FTCDNL1: variants seen among roughly 807,000 people sequenced by gnomAD.
FTCDNL1 encodes the protein formiminotransferase N-terminal subdomain-containing protein.
In FTCDNL1, 11 loss-of-function variants were observed where a neutral mutation model predicts 5.9. The ratio of observed to expected loss-of-function variants is 1.87; its 90% CI spans 1.18 to 3.10. The LOEUF (loss-of-function observed/expected upper bound fraction) is 3.10. Among genes scored for constraint, FTCDNL1 ranks in the 30% most tolerant of loss-of-function variants. The pLI, the probability that FTCDNL1 is intolerant of heterozygous loss-of-function variation, is 0.00. For synonymous variants in FTCDNL1, 58 were observed against 24.8 expected, an observed-to-expected ratio of 2.34 and a Z score of -3.99; for missense variants, 115 against 65.5, an observed-to-expected ratio of 1.76 and a Z score of -2.61.
intron 3 of FTCDNL1, among the ~76,000 whole-genome samples, chr2:199,798,608 C>G (rs1004934198): frequency 6.6e-6 from 1 of 152,184 alleles, no homozygotes; most frequent in African/African-American, 2.4e-5. Flanking sequence ...TCATCCATCC[C>G]TTCCTCTTCA....
the FTCDNL1 span, among the ~76,000 whole-genome samples, chr2:199,724,158 T>G: frequency 6.6e-6 from 1 of 152,236 alleles, no homozygotes; most frequent in Non-Finnish European, 1.5e-5. Flanking sequence ...TTAGATTTTC[T>G]AATGCATTTG....
chr2:199,765,977 T>C (rs1003129711), intron 3 of FTCDNL1, among the ~76,000 whole-genome samples: 10 of 152,154 alleles, frequency 6.6e-5, no homozygotes, highest in East Asian at 1.9e-4. Flanking sequence ...TCCACACACA[T>C]AGGCACACCT....
downstream of FTCDNL1, among the ~76,000 whole-genome samples, chr2:199,807,364 A>G (rs993470215): frequency 2.0e-5 from 3 of 152,234 alleles, no homozygotes; most frequent in Non-Finnish European, 4.4e-5. Context: ...TTGGCCAGGC[A>G]TGGTGGCTTA....
intron 3 of FTCDNL1, among the ~76,000 whole-genome samples, chr2:199,795,634 A>G (rs1010603385): frequency 6.6e-6 from 1 of 151,408 alleles, no homozygotes; most frequent in African/African-American, 2.5e-5. Flanking sequence ...AATATTTATT[A>G]AATAAGTAAT....
At chr2:199,815,127 T>C (rs1183134485) in intron 4 of FTCDNL1, among the ~76,000 whole-genome samples, 1 of 152,234 alleles carries the variant, frequency 6.6e-6, no homozygotes, top group Non-Finnish European at 1.5e-5. Flanking sequence ...TTTAAATATA[T>C]ATGTATAAAG....
At chr2:199,799,539 A>C (rs1700339771) in intron 3 of FTCDNL1, among the ~76,000 whole-genome samples, 2 of 152,216 alleles carry the variant, frequency 1.3e-5, no homozygotes, top group Non-Finnish European at 2.9e-5. Context: ...TCATCCAGAA[A>C]ACCTCATCCG....
At chr2:199,723,911 G>T in the FTCDNL1 span, among the ~76,000 whole-genome samples, 3 of 152,110 alleles carry the variant, frequency 2.0e-5, no homozygotes, top group South Asian at 4.1e-4. Context: ...AATGAGTTAG[G>T]GAGGAGTCCC....
intron 3 of FTCDNL1, among the ~76,000 whole-genome samples, chr2:199,800,782 T>C (rs1369149839): frequency 6.6e-6 from 1 of 152,208 alleles, no homozygotes; most frequent in East Asian, 1.9e-4. Context: ...CCATGGGACA[T>C]ACTTGTTCTT....
the FTCDNL1 span, among the ~76,000 whole-genome samples, chr2:199,665,581 C>T: frequency 1.3e-5 from 2 of 149,782 alleles, no homozygotes; most frequent in African/African-American, 2.5e-5. Context: ...TGCAATGAGC[C>T]GAGATCGTGC....
chr2:199,819,446 C>T (rs760079320), intron 4 of FTCDNL1, 126 bp downstream of exon 4: 2 of 621,382 alleles, frequency 3.2e-6, no homozygotes, highest in Non-Finnish European at 2.9e-6. Context: ...AAAGGAGAGC[C>T]TCACCCATTT....
chr2:199,772,922 T>C (rs1250546001), intron 3 of FTCDNL1, among the ~76,000 whole-genome samples: 1 of 152,224 alleles, frequency 6.6e-6, no homozygotes, highest in Non-Finnish European at 1.5e-5. Flanking sequence ...CTGGGTAAGA[T>C]ACTACTCTGG....
At chr2:199,848,702 CG>C (rs200793903) in intron 2 of FTCDNL1, 145 bp downstream of exon 2, 5 of 556,314 alleles carry the variant, frequency 9.0e-6, no homozygotes, top group Non-Finnish European at 1.6e-5. Context: ...CCTGGAGTTG[CG>C]CAGAGCTGCA....
the FTCDNL1 span, among the ~76,000 whole-genome samples, chr2:199,729,835 G>A: frequency 6.1e-4 from 93 of 152,254 alleles, 1 homozygote; most frequent in African/African-American, 2.2e-3. Flanking sequence ...TTTCTTCACA[G>A]AATTGGAAAA....
intron 3 of FTCDNL1, among the ~76,000 whole-genome samples, chr2:199,780,543 T>A (rs1324857116): frequency 6.6e-6 from 1 of 152,172 alleles, no homozygotes; most frequent in Non-Finnish European, 1.5e-5. Context: ...TTGCCATGCT[T>A]CTCTTCCTGC....
At chr2:199,767,997 T>C (rs1698615449) in intron 3 of FTCDNL1, among the ~76,000 whole-genome samples, 3 of 152,246 alleles carry the variant, frequency 2.0e-5, no homozygotes, top group Non-Finnish European at 2.9e-5. Context: ...ACTGACATTA[T>C]TGAGTTCTGT....
chr2:199,834,584 G>A (rs1048984368), intron 3 of FTCDNL1, among the ~76,000 whole-genome samples: 5 of 152,150 alleles, frequency 3.3e-5, no homozygotes, highest in Non-Finnish European at 7.3e-5. Flanking sequence ...GTGACTGGCT[G>A]GGTTAGTCTA....
At chr2:199,801,870 G>A (rs1393044216) in intron 3 of FTCDNL1, among the ~76,000 whole-genome samples, 1 of 151,520 alleles carries the variant, frequency 6.6e-6, no homozygotes, top group African/African-American at 2.4e-5. Flanking sequence ...CCCAGAAGGC[G>A]GAGCTTGCAG....
At chr2:199,667,725 G>T in the FTCDNL1 span, among the ~76,000 whole-genome samples, 1 of 152,182 alleles carries the variant, frequency 6.6e-6, no homozygotes, top group Non-Finnish European at 1.5e-5. Flanking sequence ...CACTTTATTA[G>T]TGGCTTGGTA....
rs1182495964 is a variant in FTCDNL1, at chr2:199,850,907, G to C, written c.-175C>G. ...GACCACGTGGGCTGAAAGGGAACCCGAAGTGACTCCCGGCCTCCCCACAGG... is the reference window on the plus strand; with the variant it reads ...GACCACGTGGGCTGAAAGGGAACCCCAAGTGACTCCCGGCCTCCCCACAGG... On this transcript the variant is annotated 5_prime_UTR_variant, in exon 1 of 5. Coordinates refer to ENST00000420128, the MANE Select transcript of FTCDNL1 (RefSeq NM_001363886.2). The C allele has an allele frequency of 6.6e-6, 1 of 152,102 alleles. No homozygotes were observed. The highest frequency in any genetic ancestry group is 2.4e-5 in the African/African-American group (1 of 41,424). The allele number at this position is 152,102 out of a possible 1,614,324, so 9.4% of individuals were successfully genotyped here. A position where few individuals can be genotyped will look rare whatever the true frequency, so the allele number is the denominator to read the frequency against.
Sources: allele counts gnomAD v4.1 joint callset (sites outside exome capture counted in the v4.1 genomes callset), GRCh38; gene constraint gnomAD v4.1.1; transcripts MANE v1.5; gene names NCBI Gene and HGNC (gene_info 2026-07-23, HGNC 2026-07-21).